Variants in ILRUN observed in about 807,000 individuals in gnomAD.
ILRUN encodes protein ILRUN.
ILRUN carries 3 observed loss-of-function variants against 33.8 expected under a neutral mutation model. The ratio of observed to expected loss-of-function variants is 0.09; its 90% confidence interval spans 0.04 to 0.23. The LOEUF (loss-of-function observed/expected upper bound fraction) is 0.23. Ranked by LOEUF, ILRUN falls within the 10% of genes least tolerant of loss-of-function variation. ILRUN has a pLI of 1.00. For synonymous variants in ILRUN, 124 were observed against 138.9 expected (o/e 0.89, Z 0.75); for missense variants, 210 against 375.1 (o/e 0.56, Z 3.64).
At chr6:34,631,315 A>G (rs1474253197) in intron 3 of ILRUN, among the ~76,000 whole-genome samples, 2 of 150,254 alleles carry the variant, frequency 1.3e-5, no homozygotes, top group African/African-American at 4.9e-5. Flanking sequence ...AGTGTTTCTC[A>G]GTCCCCCATT....
At chr6:34,610,307 T>C (rs1033781194) in intron 3 of ILRUN, among the ~76,000 whole-genome samples, 7 of 152,164 alleles carry the variant, frequency 4.6e-5, no homozygotes, top group Non-Finnish European at 8.8e-5. Context: ...GTGCCAGGAA[T>C]AGTGGGTCAG....
intron 3 of ILRUN, among the ~76,000 whole-genome samples, chr6:34,608,107 A>G: frequency 6.7e-6 from 1 of 150,002 alleles, no homozygotes; most frequent in East Asian, 1.9e-4. Context: ...AAAAAAAAAA[A>G]TTACAGCCGT....
intron 3 of ILRUN, among the ~76,000 whole-genome samples, chr6:34,628,241 G>C (rs1040212527): frequency 6.6e-6 from 1 of 152,014 alleles, no homozygotes; most frequent in Non-Finnish European, 1.5e-5. Flanking sequence ...GGCTGGTCTT[G>C]AACTCCTGAC....
In ILRUN at chr6:34,589,604, G is replaced by T. The variant is rs570736699; in HGVS notation, c.*961C>A. 6.6e-6 allele frequency: 1 copy of T among 152,238 alleles called. No homozygotes were observed. Among genetic ancestry groups the T allele is most frequent in the African/African-American group, 2.4e-5 (1 of 41,460 alleles). 9.4% of individuals were successfully genotyped at this position (152,238 alleles called of 1,614,324 possible). A position where few individuals can be genotyped will look rare whatever the true frequency, so the allele number is the denominator to read the frequency against. On this transcript the variant is annotated 3_prime_UTR_variant, in exon 5 of 5. Coordinates refer to ENST00000374023, the MANE Select transcript of ILRUN (RefSeq NM_024294.4). ...CTGCTGGTGAGTTGCACCAACACCC[G>T]TGTGTGCACATGTGGTGCATACATA...
chr6:34,591,659 CTG>C (rs1255709846), intron 4 of ILRUN, among the ~76,000 whole-genome samples: 1 of 152,118 alleles, frequency 6.6e-6, no homozygotes, highest in African/African-American at 2.4e-5. Context: ...GCCAACACGC[CTG>C]GCTAATTTTA....
intron 1 of ILRUN, among the ~76,000 whole-genome samples, chr6:34,675,685 C>T (rs1046983349): frequency 6.6e-6 from 1 of 151,958 alleles, no homozygotes; most frequent in Admixed American, 6.6e-5. Context: ...ATAAACCAAG[C>T]GAGACAAACT....
chr6:34,677,317 AAGAG>A (rs992552900), intron 1 of ILRUN, among the ~76,000 whole-genome samples: 8 of 152,042 alleles, frequency 5.3e-5, no homozygotes, highest in African/African-American at 1.7e-4. Context: ...AAAGGAAAAA[AAGAG>A]AGAGAGAGAT....
chr6:34,596,393 T>C (rs922379901), intron 4 of ILRUN, among the ~76,000 whole-genome samples: 14 of 152,314 alleles, frequency 9.2e-5, no homozygotes, highest in Non-Finnish European at 4.4e-5. Flanking sequence ...CTTGACTCAC[T>C]GTAACCTCTA....
intron 1 of ILRUN, among the ~76,000 whole-genome samples, chr6:34,662,305 CA>C (rs528133769): frequency 2.9e-3 from 215 of 75,126 alleles, no homozygotes; most frequent in South Asian, 4.4e-3. Context: ...GACTCCGTCT[CA>C]AAAAAAAAAA....
At chr6:34,694,123 T>C (rs1300260699) in intron 1 of ILRUN, among the ~76,000 whole-genome samples, 12 of 152,146 alleles carry the variant, frequency 7.9e-5, no homozygotes, top group South Asian at 6.2e-4. Context: ...TTTTAAGTTA[T>C]TTTTTTTCTT....
At chr6:34,638,789 C>T (rs982576058) in intron 3 of ILRUN, among the ~76,000 whole-genome samples, 15 of 151,998 alleles carry the variant, frequency 9.9e-5, no homozygotes, top group African/African-American at 3.6e-4. Flanking sequence ...GAGACCAGAA[C>T]TGAAACAGTG....
intron 3 of ILRUN, among the ~76,000 whole-genome samples, chr6:34,634,205 G>C (rs1762307805): frequency 2.6e-5 from 4 of 152,018 alleles, no homozygotes; most frequent in Admixed American, 2.0e-4. Flanking sequence ...ATAATCTATA[G>C]GTCAAACAGG....
rs149001288 is a variant in ILRUN, at chr6:34,653,877, A to T, written c.313+748T>A. ...CCAGCTACTCAGGAGAGGCTGAGGCAGGAGGATCGCCTGAGCCCAAGAGTT... is the reference window on the plus strand; with the variant it reads ...CCAGCTACTCAGGAGAGGCTGAGGCTGGAGGATCGCCTGAGCCCAAGAGTT... On this transcript the variant is annotated intron_variant, in intron 2 of 4. Coordinates refer to ENST00000374023, the MANE Select transcript of ILRUN (RefSeq NM_024294.4). Among the ~76,000 whole-genome samples the T allele has an allele frequency of 4.1e-3, 618 of 150,794 alleles. 7 individuals carry two copies. The highest frequency in any genetic ancestry group is 0.014 in the African/African-American group (558 of 40,860).
intron 3 of ILRUN, chr6:34,616,806 T>C: frequency 1.4e-6 from 1 of 696,430 alleles, no homozygotes; most frequent in East Asian, 2.6e-5. Flanking sequence ...ATCAGAGGTA[T>C]CAATGGTGTG....
intron 1 of ILRUN, among the ~76,000 whole-genome samples, chr6:34,676,140 G>A (rs892150400): frequency 1.3e-5 from 2 of 152,048 alleles, no homozygotes; most frequent in African/African-American, 2.4e-5. Context: ...CTGGGCACAG[G>A]TAGCTCATCC....
At chr6:34,595,932 T>G (rs1402425338) in intron 4 of ILRUN, 1 of 985,166 alleles carries the variant, frequency 1.0e-6, no homozygotes. Flanking sequence ...GTGCTCCTTT[T>G]GTATCACTTA....
chr6:34,611,332 A>T (rs1761749422), intron 3 of ILRUN, among the ~76,000 whole-genome samples: 1 of 152,126 alleles, frequency 6.6e-6, no homozygotes. Flanking sequence ...TCAGCTCTGT[A>T]CATAGATTCT....
chr6:34,648,791 T>A (rs930845639), intron 2 of ILRUN, among the ~76,000 whole-genome samples: 1 of 152,134 alleles, frequency 6.6e-6, no homozygotes, highest in African/African-American at 2.4e-5. Flanking sequence ...CACATATACA[T>A]ACACACACAT....
chr6:34,655,620 G>C (rs952246099), intron 1 of ILRUN, among the ~76,000 whole-genome samples: 15 of 152,090 alleles, frequency 9.9e-5, no homozygotes, highest in African/African-American at 3.6e-4. Context: ...TTTTGAGTTT[G>C]TTTCCAGTCA....
Sources: allele counts gnomAD v4.1 joint callset (sites outside exome capture counted in the v4.1 genomes callset), GRCh38; gene constraint gnomAD v4.1.1; transcripts MANE v1.5; gene names NCBI Gene and HGNC (gene_info 2026-07-23, HGNC 2026-07-21).